Variants in LRP1B observed in about 807,000 individuals in gnomAD.
LRP1B encodes the protein low-density lipoprotein receptor-related protein 1B.
LRP1B carries 217 observed loss-of-function variants against 556.6 expected under a neutral mutation model. The observed-to-expected ratio is 0.39, with a 90% confidence interval of 0.35 to 0.44. The LOEUF is 0.44. Ranked by LOEUF, LRP1B falls within the 20% of genes least tolerant of loss-of-function variation. The pLI is 1.00. For missense variants in LRP1B, 5,053 were observed against 5,620.8 expected, an observed-to-expected ratio of 0.90 and a Z score of 3.23; for synonymous variants, 2,047 against 1,865.8, an observed-to-expected ratio of 1.10 and a Z score of -2.50.
chr2:141,165,904 C>A (rs1680231257), intron 7 of LRP1B, among the ~76,000 whole-genome samples: 1 of 151,968 alleles, frequency 6.6e-6, no homozygotes, highest in Non-Finnish European at 1.5e-5. Flanking sequence ...AAGTCTTAAG[C>A]CATAGCTATT....
At chr2:141,375,357 A>G (rs1349621560) in intron 3 of LRP1B, among the ~76,000 whole-genome samples, 1 of 152,032 alleles carries the variant, frequency 6.6e-6, no homozygotes, top group Non-Finnish European at 1.5e-5. Flanking sequence ...TTCTTGGGTC[A>G]CCAGATGGCA....
chr2:141,936,789 A>C (rs1040224076), intron 1 of LRP1B, among the ~76,000 whole-genome samples: 6 of 152,076 alleles, frequency 3.9e-5, no homozygotes, highest in Non-Finnish European at 7.4e-5. Context: ...TCTTAATATC[A>C]TTGTTCAGTG....
At chr2:140,817,685 G>A (rs1370338940) in intron 31 of LRP1B, among the ~76,000 whole-genome samples, 1 of 151,904 alleles carries the variant, frequency 6.6e-6, no homozygotes, top group Non-Finnish European at 1.5e-5. Flanking sequence ...TTTAAGTGTT[G>A]TTACAATTAA....
rs564167941 is a variant in LRP1B, at chr2:141,657,146, C to G, written c.205+153133G>C. Among the ~76,000 whole-genome samples the G allele has an allele frequency of 1.9e-4, 29 of 151,980 alleles. 1 individual carries two copies. The highest frequency in any genetic ancestry group is 6.5e-4 in the African/African-American group (27 of 41,460). ...TTGAGACCCAAAATTATTATGTGTA[C>G]ATAATTAACTGAAAGGAAACAGATA... On this transcript the variant is annotated intron_variant, in intron 2 of 90. Coordinates refer to ENST00000389484, the MANE Select transcript of LRP1B (RefSeq NM_018557.3).
At position 141,058,870 on chromosome 2, in the gene LRP1B, C is replaced by T. The variant is rs2105462432; in HGVS notation, c.1408+13G>A. 3.2e-6 allele frequency: 5 copies of T among 1,571,146 alleles called. No homozygotes were observed. In the South Asian group the frequency reaches 4.8e-5, roughly 15 times the overall value. On this transcript the variant is annotated intron_variant, in intron 9 of 90. Coordinates refer to ENST00000389484, the MANE Select transcript of LRP1B (RefSeq NM_018557.3). Reference sequence around the variant, plus strand: ...TACCATTAGGAAGGTAATAAAGAAGCTTTCCCACTTACCTGTTGGTTGAGT... The same window carrying T: ...TACCATTAGGAAGGTAATAAAGAAGTTTTCCCACTTACCTGTTGGTTGAGT...
At chr2:140,596,003 T>A (rs1682426241) in intron 43 of LRP1B, among the ~76,000 whole-genome samples, 2 of 152,182 alleles carry the variant, frequency 1.3e-5, no homozygotes, top group African/African-American at 4.8e-5. Context: ...AGTCTTCCCC[T>A]TCCCTGATTG....
chr2:140,777,926 A>G (rs199996724), intron 32 of LRP1B, among the ~76,000 whole-genome samples: 2 of 151,192 alleles, frequency 1.3e-5, no homozygotes, highest in Non-Finnish European at 3.0e-5. Flanking sequence ...GGAAAAAAGT[A>G]AAAAAAAGAT....
intron 7 of LRP1B, among the ~76,000 whole-genome samples, chr2:141,081,913 T>G (rs1699932376): frequency 6.6e-6 from 1 of 152,184 alleles, no homozygotes. Context: ...GAGAGCTCTT[T>G]GAGAAAATAC....
chr2:141,427,150 A>G (rs1376006650), intron 3 of LRP1B, among the ~76,000 whole-genome samples: 1 of 152,090 alleles, frequency 6.6e-6, no homozygotes, highest in Non-Finnish European at 1.5e-5. Context: ...AATATTCTTT[A>G]CTCTCAACCA....
chr2:140,975,763 T>A (rs1440685621), intron 18 of LRP1B, among the ~76,000 whole-genome samples: 1 of 152,156 alleles, frequency 6.6e-6, no homozygotes, highest in Non-Finnish European at 1.5e-5. Context: ...ATGCAGGTTT[T>A]TTCTTAGAAA....
At chr2:142,038,956 C>G (rs1228575289) in intron 1 of LRP1B, among the ~76,000 whole-genome samples, 1 of 151,474 alleles carries the variant, frequency 6.6e-6, no homozygotes, top group Admixed American at 6.6e-5. Flanking sequence ...TTTTCTTGCT[C>G]AAGTTTTCCT....
rs1027990866 is a variant in LRP1B, at chr2:141,519,176, G to T, written c.206-38643C>A. On this transcript the variant is annotated intron_variant, in intron 2 of 90. Coordinates refer to ENST00000389484, the MANE Select transcript of LRP1B (RefSeq NM_018557.3). Reference sequence around the variant, plus strand: ...ACTATTTCTTTTACATTAGCTAAAAGGATTCATTCAAAATATTTAAATAAG... The same window carrying T: ...ACTATTTCTTTTACATTAGCTAAAATGATTCATTCAAAATATTTAAATAAG... Among the ~76,000 whole-genome samples, 8 of 151,826 alleles carry T rather than the reference G, an allele frequency of 5.3e-5. No individual in the cohort carries two copies. In the East Asian group the frequency reaches 9.7e-4, roughly 18 times the overall value.
At chr2:140,253,624 AT>A (rs1681550961) in intron 86 of LRP1B, among the ~76,000 whole-genome samples, 1 of 152,110 alleles carries the variant, frequency 6.6e-6, no homozygotes, top group Non-Finnish European at 1.5e-5. Context: ...TATTTAAAAA[AT>A]ATGTCCAGAG....
chr2:141,662,148 A>G (rs938067069), intron 2 of LRP1B, among the ~76,000 whole-genome samples: 5 of 152,176 alleles, frequency 3.3e-5, no homozygotes, highest in African/African-American at 4.8e-5. Context: ...ATTCATCACC[A>G]CCAGGCCTAC....
chr2:141,304,469 T>G (rs1686510301), intron 3 of LRP1B, among the ~76,000 whole-genome samples: 1 of 134,674 alleles, frequency 7.4e-6, no homozygotes, highest in Admixed American at 9.2e-5. Context: ...GAGTCCAGTT[T>G]CATTCATTTT....
intron 29 of LRP1B, among the ~76,000 whole-genome samples, chr2:140,843,073 TTTTTTTTGTTTGTTTTTTTTTTTTTTG>T (rs1559151561): frequency 0.09 from 2,388 of 26,440 alleles, 154 homozygotes; most frequent in South Asian, 0.15. Context: ...TTTTGTTTTT[TTTTTTTTGTTTGTTTTTTTTTTTTTTG>T]TTTTTTTTTT....
chr2:141,749,721 G>A (rs1364911885), intron 2 of LRP1B, among the ~76,000 whole-genome samples: 1 of 152,086 alleles, frequency 6.6e-6, no homozygotes, highest in African/African-American at 2.4e-5. Flanking sequence ...AAGAAGAATG[G>A]AGTCTATGAA....
At chr2:140,383,601 A>G (rs1683633615) in intron 67 of LRP1B, among the ~76,000 whole-genome samples, 1 of 152,138 alleles carries the variant, frequency 6.6e-6, no homozygotes, top group East Asian at 1.9e-4. Flanking sequence ...ATCCTCTTAC[A>G]TGTTCAAAAC....
At chr2:141,730,792 G>C (rs904646576) in intron 2 of LRP1B, among the ~76,000 whole-genome samples, 1 of 152,136 alleles carries the variant, frequency 6.6e-6, no homozygotes, top group African/African-American at 2.4e-5. Context: ...TACACCCTGT[G>C]ATCTAAGCTG....
Sources: allele counts gnomAD v4.1 joint callset (sites outside exome capture counted in the v4.1 genomes callset), GRCh38; gene constraint gnomAD v4.1.1; transcripts MANE v1.5; gene names NCBI Gene and HGNC (gene_info 2026-07-23, HGNC 2026-07-21).